SLC20A2: variants seen among roughly 807,000 people sequenced by gnomAD.
SLC20A2 encodes the protein sodium-dependent phosphate transporter 2.
SLC20A2 carries 30 observed loss-of-function variants against 61.0 expected under a neutral mutation model. The observed-to-expected ratio is 0.49, with a 90% confidence interval of 0.37 to 0.67. The LOEUF (loss-of-function observed/expected upper bound fraction) is 0.67, where lower values mean the gene tolerates loss of function less well. SLC20A2 is among the 30% of genes least tolerant of loss of function. SLC20A2 has a pLI of 0.00. For missense variants in SLC20A2, 626 were observed against 866.4 expected (o/e 0.72, Z 3.48); for synonymous variants, 351 against 353.3 (o/e 0.99, Z 0.07).
intron 1 of SLC20A2, among the ~76,000 whole-genome samples, chr8:42,516,995 C>G (rs1380597531): frequency 4.6e-5 from 7 of 152,172 alleles, no homozygotes; most frequent in Admixed American, 2.0e-4. Context: ...GACCGTCCAC[C>G]ACCCCCCAAG....
At chr8:42,536,578 ACT>A (rs1239912165) in intron 1 of SLC20A2, 1 of 152,208 alleles carries the variant, frequency 6.6e-6, no homozygotes, top group African/African-American at 2.4e-5. Context: ...GAGAAATACC[ACT>A]GTTCTTCATC....
At chr8:42,447,530 T>A (rs1236151694) in intron 5 of SLC20A2, among the ~76,000 whole-genome samples, 1 of 151,340 alleles carries the variant, frequency 6.6e-6, no homozygotes, top group Admixed American at 6.6e-5. Context: ...ACAAAAAAAT[T>A]AGCCAGGCGT....
intron 8 of SLC20A2, among the ~76,000 whole-genome samples, chr8:42,433,767 A>T (rs149955046): frequency 2.0e-5 from 3 of 152,212 alleles, no homozygotes; most frequent in Non-Finnish European, 4.4e-5. Context: ...GGCAGTGGAC[A>T]TCTGGGTTGT....
At chr8:42,458,770 G>A (rs1470830961) in intron 5 of SLC20A2, among the ~76,000 whole-genome samples, 2 of 151,752 alleles carry the variant, frequency 1.3e-5, no homozygotes, top group Non-Finnish European at 2.9e-5. Flanking sequence ...TTAGCTGGGC[G>A]AGGAGGAGGG....
intron 1 of SLC20A2, among the ~76,000 whole-genome samples, chr8:42,508,006 A>C (rs1810811936): frequency 6.6e-6 from 1 of 151,596 alleles, no homozygotes; most frequent in South Asian, 2.1e-4. Context: ...CTAAAAATAC[A>C]AAAAAAATTA....
chr8:42,482,796 C>T (rs1808652536), intron 1 of SLC20A2, among the ~76,000 whole-genome samples: 1 of 150,376 alleles, frequency 6.6e-6, no homozygotes, highest in South Asian at 2.1e-4. Context: ...GAGCCCAAGG[C>T]AGGTGGATCA....
chr8:42,523,270 C>T (rs889854446), intron 1 of SLC20A2, among the ~76,000 whole-genome samples: 7 of 152,158 alleles, frequency 4.6e-5, no homozygotes, highest in African/African-American at 7.2e-5. Context: ...GTGGAGGATG[C>T]GGTGAGCCGA....
chr8:42,488,003 C>A (rs1294843312), intron 1 of SLC20A2, among the ~76,000 whole-genome samples: 1 of 152,092 alleles, frequency 6.6e-6, no homozygotes, highest in East Asian at 1.9e-4. Context: ...CAGCATTTGT[C>A]CTTTTGTGAC....
chr8:42,522,990 G>C (rs1233530549), intron 1 of SLC20A2, among the ~76,000 whole-genome samples: 1 of 151,442 alleles, frequency 6.6e-6, no homozygotes, highest in Non-Finnish European at 1.5e-5. Flanking sequence ...CTCCCAAAGT[G>C]CTGGGATTGC....
intron 10 of SLC20A2, 78 bp from the exon 11 acceptor site, chr8:42,418,045 C>G (rs1414264383): frequency 1.8e-5 from 22 of 1,210,970 alleles, no homozygotes; most frequent in Non-Finnish European, 2.5e-5. Flanking sequence ...GGGCTAATCT[C>G]AGAAACAAGC....
At chr8:42,505,970 T>TTTAC (rs1810674171), upstream of SLC20A2, among the ~76,000 whole-genome samples, 1 of 151,746 alleles carries the variant, frequency 6.6e-6, no homozygotes, top group African/African-American at 2.4e-5. Context: ...ATTTTATTTA[T>TTTAC]TTATTTTGAG....
At chr8:42,453,622 G>A (rs533333835) in intron 5 of SLC20A2, among the ~76,000 whole-genome samples, 8 of 152,258 alleles carry the variant, frequency 5.3e-5, no homozygotes, top group African/African-American at 1.9e-4. Context: ...TACCTTCAAG[G>A]CTTACATAAA....
intron 2 of SLC20A2, among the ~76,000 whole-genome samples, chr8:42,468,753 G>C (rs1228071998): frequency 6.6e-6 from 1 of 151,984 alleles, no homozygotes; most frequent in Non-Finnish European, 1.5e-5. Context: ...GCGGGGGTGG[G>C]GTGGCAGAGT....
rs1802975622 is a variant in SLC20A2, at chr8:42,420,601, T to C, written c.1795-2634A>G. ...CCTTTCAAACACTTACTGGTTAAAT[T>C]TTCCCTTTTTCAAAATACATGCTCA... On this transcript the variant is annotated intron_variant, in intron 10 of 10. Coordinates refer to ENST00000520262, the MANE Select transcript of SLC20A2 (RefSeq NM_001257180.2). 2.0e-5 allele frequency among the ~76,000 whole-genome samples: 3 copies of C among 152,322 alleles called. No homozygotes were observed. In the South Asian group the frequency reaches 6.2e-4, roughly 32 times the overall value.
At chr8:42,444,833 T>A in intron 5 of SLC20A2, 71 bp from the exon 6 acceptor site, 1 of 1,018,654 alleles carries the variant, frequency 9.8e-7, no homozygotes, top group Non-Finnish European at 1.5e-6. Flanking sequence ...GGCGGTGGAC[T>A]TCCCACTCCC....
rs1809992737 is a variant in SLC20A2 at position 42,497,210 on chromosome 8, T to C, written c.-265+3821A>G. On this transcript the variant is annotated intron_variant, in intron 1 of 10. Coordinates refer to ENST00000520262, the MANE Select transcript of SLC20A2 (RefSeq NM_001257180.2). ...TTATCTCCTGACTTTAGAGAGTACA[T>C]TGAAAACACTGCAAACAAATATAAT... 2.0e-5 allele frequency among the ~76,000 whole-genome samples: 3 copies of C among 152,222 alleles called. No homozygotes were observed. In the South Asian group the frequency reaches 6.2e-4, roughly 31 times the overall value.
chr8:42,486,503 A>G (rs112021462), intron 1 of SLC20A2, among the ~76,000 whole-genome samples: 4 of 152,214 alleles, frequency 2.6e-5, no homozygotes, highest in African/African-American at 4.8e-5. Flanking sequence ...GCCTTCCTCT[A>G]GTGAGGTAGT....
chr8:42,514,153 AT>A (rs1407999130), intron 1 of SLC20A2, among the ~76,000 whole-genome samples: 1 of 152,214 alleles, frequency 6.6e-6, no homozygotes, highest in Non-Finnish European at 1.5e-5. Flanking sequence ...ACGGCCTGTT[AT>A]TTGTTAGCAA....
chr8:42,504,485 T>C (rs1198088642), upstream of SLC20A2, among the ~76,000 whole-genome samples: 1 of 151,262 alleles, frequency 6.6e-6, no homozygotes, highest in African/African-American at 2.4e-5. Context: ...GGAAGATAAA[T>C]AAACAAAAAA....
Sources: gnomAD v4.1 joint callset for allele counts (sites outside exome capture counted in the v4.1 genomes callset) on GRCh38, gnomAD v4.1.1 for gene constraint, MANE v1.5 for transcripts, NCBI Gene and HGNC (gene_info 2026-07-23, HGNC 2026-07-21) for gene names.